PAPSS1: variants seen among roughly 807,000 people sequenced by gnomAD.
PAPSS1 encodes the protein 3'-phosphoadenosine 5'-phosphosulfate synthase 1.
In PAPSS1, 50 loss-of-function variants were observed where a neutral mutation model predicts 72.0. The observed-to-expected ratio is 0.69, with a 90% CI of 0.55 to 0.88. The LOEUF (loss-of-function observed/expected upper bound fraction) is 0.88, where lower values mean the gene tolerates loss of function less well. Among genes scored for constraint, PAPSS1 ranks in the 40% least tolerant of loss-of-function variants. The pLI, the probability that PAPSS1 is intolerant of heterozygous loss-of-function variation, is 0.00. For missense variants in PAPSS1, 657 were observed against 782.2 expected (o/e 0.84, Z 1.91); for synonymous variants, 261 against 263.6 (o/e 0.99, Z 0.09).
chr4:107,689,546 T>C (rs567472176), intron 3 of PAPSS1, among the ~76,000 whole-genome samples: 1 of 152,318 alleles, frequency 6.6e-6, no homozygotes, highest in African/African-American at 2.4e-5. Context: ...ATTAAAATCA[T>C]CTCATCAGCT....
intron 10 of PAPSS1, among the ~76,000 whole-genome samples, chr4:107,640,431 T>C (rs1323099308): frequency 2.6e-5 from 4 of 152,192 alleles, no homozygotes; most frequent in Non-Finnish European, 5.9e-5. Flanking sequence ...ACCAATGCCT[T>C]CTAAATGACC....
At chr4:107,686,300 T>A in intron 4 of PAPSS1, among the ~76,000 whole-genome samples, 1 of 152,216 alleles carries the variant, frequency 6.6e-6, no homozygotes, top group East Asian at 1.9e-4. Context: ...TAAAATGGTG[T>A]ACTATTTGCA....
intron 5 of PAPSS1, among the ~76,000 whole-genome samples, chr4:107,679,125 T>C (rs1001699038): frequency 2.0e-5 from 3 of 151,970 alleles, no homozygotes; most frequent in Admixed American, 2.0e-4. Flanking sequence ...AAAACCCACC[T>C]CAAGACTCAG....
At chr4:107,682,288 A>G (rs1382931157) in intron 4 of PAPSS1, among the ~76,000 whole-genome samples, 155 bp from the exon 5 acceptor site, 3 of 152,128 alleles carry the variant, frequency 2.0e-5, no homozygotes, top group Non-Finnish European at 4.4e-5. Flanking sequence ...GGAGATTTCT[A>G]ATTAAACTTT....
At chr4:107,676,684 CT>C (rs1553920813) in intron 5 of PAPSS1, among the ~76,000 whole-genome samples, 1 of 152,182 alleles carries the variant, frequency 6.6e-6, no homozygotes, top group Non-Finnish European at 1.5e-5. Context: ...GAAAAAACTA[CT>C]TTAAAGTTCA....
At chr4:107,668,519 C>G (rs907183457) in intron 5 of PAPSS1, among the ~76,000 whole-genome samples, 11 of 152,066 alleles carry the variant, frequency 7.2e-5, no homozygotes, top group Admixed American at 6.6e-4. Flanking sequence ...AAACCCAGAC[C>G]CATTCTTAAT....
intron 1 of PAPSS1, among the ~76,000 whole-genome samples, chr4:107,716,571 A>G (rs1723644033): frequency 1.3e-5 from 2 of 152,228 alleles, no homozygotes; most frequent in African/African-American, 2.4e-5. Flanking sequence ...AAAATGGGTG[A>G]ATGACACCTG....
chr4:107,647,923 C>T (rs1381735083), intron 9 of PAPSS1, among the ~76,000 whole-genome samples: 3 of 152,140 alleles, frequency 2.0e-5, no homozygotes, highest in Admixed American at 1.3e-4. Context: ...TCCAGTTCAC[C>T]GGACAGATGC....
At position 107,693,560 on chromosome 4, in the gene PAPSS1, A is replaced by G. The variant is rs1722996303; in HGVS notation, c.411+211T>C. Among the ~76,000 whole-genome samples, 2 of 152,232 alleles carry G rather than the reference A, an allele frequency of 1.3e-5. 1 individual carries two copies. The highest frequency in any genetic ancestry group is 2.9e-5 in the Non-Finnish European group (2 of 68,048). On this transcript the variant is annotated intron_variant, in intron 3 of 11. Coordinates refer to ENST00000265174, the MANE Select transcript of PAPSS1 (RefSeq NM_005443.5). ...TATACTTCACGGCTTTTTTAAAAGC[A>G]GGTTTTATCAAAACCAGATTTACTT...
At chr4:107,710,971 C>A (rs80142310) in intron 1 of PAPSS1, among the ~76,000 whole-genome samples, 1 of 152,224 alleles carries the variant, frequency 6.6e-6, no homozygotes, top group Non-Finnish European at 1.5e-5. Flanking sequence ...GCTGTAAACT[C>A]GCTGAGTCAT....
At chr4:107,654,560 A>G (rs1315709272) in intron 8 of PAPSS1, 135 bp downstream of exon 8, 7 of 731,352 alleles carry the variant, frequency 9.6e-6, no homozygotes, top group Non-Finnish European at 1.4e-5. Flanking sequence ...ACTCATCACA[A>G]TAATCTAAGG....
chr4:107,632,966 T>C (rs1287212230), intron 10 of PAPSS1, among the ~76,000 whole-genome samples: 1 of 152,214 alleles, frequency 6.6e-6, no homozygotes, highest in African/African-American at 2.4e-5. Flanking sequence ...TTTACCAACA[T>C]AGTTTAGAAA....
In PAPSS1 at chr4:107,687,177, C is replaced by A; in HGVS notation, c.412G>T (p.Asp138Tyr). ...TGAATTTGCCTTGCATTGTTGCGATCCTTAAAAAAAAATAAAATAAAAAGT... is the reference window on the plus strand; with the variant it reads ...TGAATTTGCCTTGCATTGTTGCGATACTTAAAAAAAAATAAAATAAAAAGT... ...ITSFISPYTQ[D>Y]RNNARQIHEG... The change falls in exon 4 of 12, where the codon GAT becomes TAT. Residue 138 changes from aspartate to tyrosine, a missense_variant and splice_region_variant. Asp to Tyr is a radical substitution (Grantham distance 160). Coordinates refer to ENST00000265174, the MANE Select transcript of PAPSS1 (RefSeq NM_005443.5). 1 of 1,547,182 alleles carries A rather than the reference C, an allele frequency of 6.5e-7. No individual in the cohort carries two copies. The highest frequency in any genetic ancestry group is 8.6e-7 in the Non-Finnish European group (1 of 1,156,434).
intron 4 of PAPSS1, among the ~76,000 whole-genome samples, chr4:107,684,499 A>G (rs1470299593): frequency 6.6e-6 from 1 of 152,152 alleles, no homozygotes; most frequent in Non-Finnish European, 1.5e-5. Flanking sequence ...TTTTTCTTCC[A>G]GACCCTCCCA....
rs757506478 is a variant in PAPSS1, at chr4:107,614,209, A to C, written c.*40T>G. 1.9e-6 allele frequency: 3 copies of C among 1,587,692 alleles called. No individual in the cohort carries two copies. Among genetic ancestry groups the C allele is most frequent in the Non-Finnish European group, 2.6e-6 (3 of 1,161,758 alleles). On this transcript the variant is annotated 3_prime_UTR_variant, in exon 12 of 12. Coordinates refer to ENST00000265174, the MANE Select transcript of PAPSS1 (RefSeq NM_005443.5). The stretch of plus-strand genomic sequence containing the variant: ...AGAGACTATGTGGTCCCCTCTTGTT[A>C]CTAGTAATGTGTCAAAGGTGGAGTG...
chr4:107,634,979 T>C (rs1192497560), intron 10 of PAPSS1, among the ~76,000 whole-genome samples: 1 of 151,964 alleles, frequency 6.6e-6, no homozygotes, highest in Non-Finnish European at 1.5e-5. Flanking sequence ...TTTGTATTTT[T>C]AGTAGAGACG....
At chr4:107,675,845 T>C (rs1727627925) in intron 5 of PAPSS1, among the ~76,000 whole-genome samples, 1 of 152,168 alleles carries the variant, frequency 6.6e-6, no homozygotes, top group Non-Finnish European at 1.5e-5. Context: ...CATGATCAAG[T>C]CAGCTTCATC....
intron 6 of PAPSS1, among the ~76,000 whole-genome samples, chr4:107,658,841 C>CA (rs1159905454): frequency 2.0e-5 from 3 of 152,074 alleles, no homozygotes; most frequent in Non-Finnish European, 4.4e-5. Flanking sequence ...GGCCTAACCC[C>CA]AATGCTACCA....
At chr4:107,684,000 T>C (rs1417646243) in intron 4 of PAPSS1, among the ~76,000 whole-genome samples, 2 of 150,764 alleles carry the variant, frequency 1.3e-5, no homozygotes, top group Non-Finnish European at 1.5e-5. Context: ...CTAAGGAACA[T>C]TTTATCAACC....
Sources: gnomAD v4.1 joint callset for allele counts (sites outside exome capture counted in the v4.1 genomes callset) on GRCh38, gnomAD v4.1.1 for gene constraint, MANE v1.5 for transcripts, NCBI Gene and HGNC (gene_info 2026-07-23, HGNC 2026-07-21) for gene names.